STXBP6: variants seen among roughly 807,000 people sequenced by gnomAD.
The protein encoded by STXBP6 is syntaxin binding protein 6.
A neutral mutation model predicts 26.9 loss-of-function variants in STXBP6; 21 were observed. The ratio of observed to expected loss-of-function variants is 0.78; its 90% CI spans 0.55 to 1.12. The LOEUF is 1.12. STXBP6 is among the 50% of genes most tolerant of loss of function. The probability of loss-of-function intolerance (pLI) is 0.00; values close to 1 mark genes in which losing one functional copy is unlikely to be tolerated. For synonymous variants in STXBP6, 97 were observed against 92.6 expected (o/e 1.05, Z -0.27); for missense variants, 232 against 257.9 (o/e 0.90, Z 0.69).
chr14:24,813,729 C>T (rs374568980), intron 5 of STXBP6, among the ~76,000 whole-genome samples: 25 of 152,284 alleles, frequency 1.6e-4, no homozygotes, highest in African/African-American at 5.5e-4. Context: ...TTAGTAAGGC[C>T]GATCCTACTG....
At chr14:25,005,067 C>CA (rs1180770824) in intron 1 of STXBP6, among the ~76,000 whole-genome samples, 1 of 151,866 alleles carries the variant, frequency 6.6e-6, no homozygotes, top group African/African-American at 2.4e-5. Flanking sequence ...ATCATAATCC[C>CA]AAAAGACACA....
chr14:24,886,269 C>T (rs1311666827), intron 2 of STXBP6, among the ~76,000 whole-genome samples: 5 of 152,114 alleles, frequency 3.3e-5, no homozygotes, highest in Admixed American at 6.5e-5. Flanking sequence ...GTTAAAAACA[C>T]CTTGCTTTGG....
intron 2 of STXBP6, among the ~76,000 whole-genome samples, chr14:24,882,982 T>G (rs2070430082): frequency 6.6e-6 from 1 of 152,230 alleles, no homozygotes; most frequent in South Asian, 2.1e-4. Context: ...TTGTTTATAG[T>G]AATGAAATAT....
intron 4 of STXBP6, among the ~76,000 whole-genome samples, chr14:24,842,363 C>T (rs933121564): frequency 3.3e-5 from 5 of 152,204 alleles, no homozygotes; most frequent in African/African-American, 1.2e-4. Flanking sequence ...ATTCAAACTT[C>T]TTCCTTCCAG....
At chr14:24,920,724 C>T (rs2071948886) in intron 2 of STXBP6, among the ~76,000 whole-genome samples, 1 of 152,024 alleles carries the variant, frequency 6.6e-6, no homozygotes, top group Admixed American at 6.6e-5. Flanking sequence ...CTCAATGTTA[C>T]ATCCTTCAAG....
intron 1 of STXBP6, among the ~76,000 whole-genome samples, chr14:24,976,519 A>G (rs974369335): frequency 3.0e-4 from 46 of 152,160 alleles, no homozygotes; most frequent in African/African-American, 1.1e-3. Context: ...CAGGTTCTTC[A>G]TGCTGGCCAA....
At chr14:24,927,716 T>C (rs2072229020) in intron 2 of STXBP6, among the ~76,000 whole-genome samples, 1 of 152,198 alleles carries the variant, frequency 6.6e-6, no homozygotes, top group Non-Finnish European at 1.5e-5. Context: ...TTCCTTCAAG[T>C]GACATTAGCA....
intron 5 of STXBP6, among the ~76,000 whole-genome samples, chr14:24,814,381 C>T (rs1185804204): frequency 2.0e-5 from 3 of 152,224 alleles, no homozygotes; most frequent in South Asian, 4.1e-4. Flanking sequence ...CACATCAACA[C>T]AGAGTGGTTA....
intron 4 of STXBP6, among the ~76,000 whole-genome samples, chr14:24,841,438 C>T (rs2068780167): frequency 2.0e-5 from 3 of 152,124 alleles, no homozygotes; most frequent in South Asian, 4.1e-4. Flanking sequence ...AAGTGTGGCA[C>T]TTGGTGATAT....
chr14:25,049,000 T>G (rs2075765727), intron 1 of STXBP6: 1 of 236,856 alleles, frequency 4.2e-6, no homozygotes, highest in South Asian at 1.5e-4. Context: ...GGAAGCGTAA[T>G]AGGAAGGGGA....
chr14:24,981,129 A>T (rs1046671339), intron 1 of STXBP6, among the ~76,000 whole-genome samples: 2 of 152,238 alleles, frequency 1.3e-5, no homozygotes, highest in Admixed American at 1.3e-4. Context: ...AAGCCCTAGT[A>T]ATGAATCATT....
chr14:24,853,375 T>A (rs1176921350), intron 4 of STXBP6, among the ~76,000 whole-genome samples: 2 of 152,140 alleles, frequency 1.3e-5, no homozygotes, highest in African/African-American at 4.8e-5. Flanking sequence ...AGCAACTGTT[T>A]AAGACATGCT....
intron 2 of STXBP6, among the ~76,000 whole-genome samples, chr14:24,874,613 T>C (rs1185008936): frequency 6.6e-6 from 1 of 152,142 alleles, no homozygotes; most frequent in African/African-American, 2.4e-5. Flanking sequence ...GGTCCATGTA[T>C]TGTCACAGGT....
At chr14:24,957,182 C>A (rs1275243587) in intron 2 of STXBP6, among the ~76,000 whole-genome samples, 2 of 152,112 alleles carry the variant, frequency 1.3e-5, no homozygotes, top group African/African-American at 2.4e-5. Flanking sequence ...GTGGCCATGG[C>A]CAGAAAAGGA....
chr14:25,032,879 C>A (rs1188483719), intron 1 of STXBP6, among the ~76,000 whole-genome samples: 1 of 152,166 alleles, frequency 6.6e-6, no homozygotes, highest in Non-Finnish European at 1.5e-5. Context: ...CTTGTAAGTG[C>A]TTCCTGAAAA....
At chr14:24,969,372 A>G (rs529778162) in intron 2 of STXBP6, among the ~76,000 whole-genome samples, 1 of 152,340 alleles carries the variant, frequency 6.6e-6, no homozygotes, top group East Asian at 1.9e-4. Context: ...AACAGGATCC[A>G]GAAAATAGAT....
intron 2 of STXBP6, among the ~76,000 whole-genome samples, chr14:24,864,152 G>A (rs191013472): frequency 2.7e-3 from 415 of 152,214 alleles, no homozygotes; most frequent in African/African-American, 9.6e-3. Context: ...ATTCTTAGGC[G>A]AGATTTACAG....
intron 2 of STXBP6, among the ~76,000 whole-genome samples, chr14:24,931,117 CA>C (rs749625860): frequency 8.6e-4 from 20 of 23,338 alleles, no homozygotes; most frequent in South Asian, 2.9e-3. Flanking sequence ...GACTCCGTCT[CA>C]AAAAAAAAAA....
At chr14:24,925,119 T>C (rs1209720395) in intron 2 of STXBP6, among the ~76,000 whole-genome samples, 1 of 152,198 alleles carries the variant, frequency 6.6e-6, no homozygotes, top group African/African-American at 2.4e-5. Context: ...GATATATGGG[T>C]GAGACTTCAC....
Sources: gnomAD v4.1 joint callset for allele counts (sites outside exome capture counted in the v4.1 genomes callset) on GRCh38, gnomAD v4.1.1 for gene constraint, MANE v1.5 for transcripts, NCBI Gene and HGNC (gene_info 2026-07-23, HGNC 2026-07-21) for gene names.